Variants in JHY observed in about 807,000 individuals in gnomAD.
The protein encoded by JHY is junctional cadherin complex regulator, also known as jhy protein homolog.
A neutral mutation model predicts 78.0 loss-of-function variants in JHY; 69 were observed. The observed-to-expected ratio is 0.88, with a 90% CI of 0.73 to 1.08. JHY has a LOEUF of 1.08. Ranked by LOEUF, JHY falls within the 50% of genes least tolerant of loss-of-function variation. The pLI is 0.00. For missense variants in JHY, 944 were observed against 927.8 expected (o/e 1.02, Z -0.23); for synonymous variants, 368 against 342.6 (o/e 1.07, Z -0.82).
intron 2 of JHY, among the ~76,000 whole-genome samples, chr11:122,888,235 C>T (rs1026697917): frequency 1.3e-5 from 2 of 152,172 alleles, no homozygotes; most frequent in Non-Finnish European, 2.9e-5. Context: ...AGAGAGAATA[C>T]AGGTTCTTGG....
chr11:122,889,891 G>A (rs574197199), intron 2 of JHY, among the ~76,000 whole-genome samples: 2 of 152,016 alleles, frequency 1.3e-5, no homozygotes, highest in South Asian at 2.1e-4. Context: ...CCCGAGTAGC[G>A]TGCGCCACAA....
At chr11:122,931,302 G>T (rs1433344278) in intron 4 of JHY, among the ~76,000 whole-genome samples, 1 of 152,084 alleles carries the variant, frequency 6.6e-6, no homozygotes, top group Non-Finnish European at 1.5e-5. Flanking sequence ...ATAACTCTTA[G>T]CTTTCCAGGC....
chr11:122,956,166 A>T (rs552359729), intron 6 of JHY, among the ~76,000 whole-genome samples: 1 of 151,852 alleles, frequency 6.6e-6, no homozygotes, highest in Admixed American at 6.5e-5. Flanking sequence ...CAAAAAAAAA[A>T]AAATAAAATA....
intron 4 of JHY, among the ~76,000 whole-genome samples, chr11:122,927,603 C>T (rs1411239680): frequency 6.6e-6 from 1 of 152,202 alleles, no homozygotes; most frequent in African/African-American, 2.4e-5. Flanking sequence ...TTCCCAGCCT[C>T]TCCCACCCTG....
At chr11:122,908,713 G>A (rs562862889) in intron 3 of JHY, among the ~76,000 whole-genome samples, 95 of 152,192 alleles carry the variant, frequency 6.2e-4, no homozygotes, top group African/African-American at 2.2e-3. Flanking sequence ...TTTGGTTTTT[G>A]TTTGAGACAG....
chr11:122,927,970 A>T (rs1446962723), intron 4 of JHY, among the ~76,000 whole-genome samples: 1 of 151,980 alleles, frequency 6.6e-6, no homozygotes, highest in Admixed American at 6.6e-5. Flanking sequence ...ACCTCAGGTG[A>T]TCTGCCCGCC....
intron 3 of JHY, among the ~76,000 whole-genome samples, chr11:122,910,556 C>G (rs1719102998): frequency 6.6e-6 from 1 of 151,828 alleles, no homozygotes; most frequent in Admixed American, 6.6e-5. Flanking sequence ...TGGACGGCTA[C>G]AAAAGCAGTT....
chr11:122,899,760 C>T (rs1862809348), intron 2 of JHY, among the ~76,000 whole-genome samples: 2 of 152,204 alleles, frequency 1.3e-5, no homozygotes, highest in South Asian at 4.1e-4. Context: ...CATGTTGATC[C>T]TCATTCAGTC....
chr11:122,896,174 G>A (rs1862736597), intron 2 of JHY, among the ~76,000 whole-genome samples: 1 of 151,878 alleles, frequency 6.6e-6, no homozygotes, highest in Non-Finnish European at 1.5e-5. Flanking sequence ...TAAACCCTTT[G>A]TATTTTCTAG....
At chr11:122,918,731 T>C (rs1448115083) in intron 3 of JHY, among the ~76,000 whole-genome samples, 6 of 151,306 alleles carry the variant, frequency 4.0e-5, no homozygotes, top group Non-Finnish European at 8.8e-5. Flanking sequence ...GCAACCCAGA[T>C]TGATATTTTC....
At position 122,946,575 on chromosome 11, in the gene JHY, A is replaced by T; in HGVS notation, c.1712A>T (p.His571Leu). 1 of 1,614,060 alleles carries T rather than the reference A, an allele frequency of 6.2e-7. No homozygotes were observed. The highest frequency in any genetic ancestry group is 8.5e-7 in the Non-Finnish European group (1 of 1,179,998). Residue 571 changes from histidine (H) to leucine (L), a missense_variant, in exon 6 of 9, where the codon CAT becomes CTT. His to Leu is a moderately conservative substitution (Grantham distance 99). Transcript: ENST00000227349. ...DSWLTQIMEQ[H>L]QQALVQLTDV... ...TGGCTCACCCAGATAATGGAGCAGC[A>T]TCAGCAAGCCTTGGTGCAGCTGACC... is the stretch of plus-strand genomic sequence containing the variant.
At chr11:122,942,569 A>G (rs1018933882) in intron 5 of JHY, among the ~76,000 whole-genome samples, 1 of 152,068 alleles carries the variant, frequency 6.6e-6, no homozygotes, top group African/African-American at 2.4e-5. Flanking sequence ...GATTACAGGC[A>G]TACGCCACCA....
chr11:122,944,907 G>T (rs1863934177), intron 5 of JHY, among the ~76,000 whole-genome samples: 1 of 151,992 alleles, frequency 6.6e-6, no homozygotes, highest in African/African-American at 2.4e-5. Flanking sequence ...TTATTGGTTT[G>T]TAAGTGTTTC....
chr11:122,900,667 A>G (rs930362356), intron 2 of JHY, among the ~76,000 whole-genome samples: 2 of 151,940 alleles, frequency 1.3e-5, no homozygotes, highest in African/African-American at 4.8e-5. Flanking sequence ...CTTTTATTCA[A>G]ATAGGCCCCT....
intron 6 of JHY, among the ~76,000 whole-genome samples, chr11:122,949,100 C>T (rs1168962526): frequency 6.7e-6 from 1 of 150,030 alleles, no homozygotes; most frequent in Non-Finnish European, 1.5e-5. Context: ...AAAAAGAAGA[C>T]TGCAAGAGCA....
In JHY at chr11:122,886,108, G is replaced by A. The variant is rs767829542; in HGVS notation, c.259G>A (p.Glu87Lys). Residue 87 changes from glutamate to lysine, a missense_variant, in exon 2 of 9, where the codon GAG becomes AAG. Physicochemically the swap from Glu to Lys is moderately conservative, Grantham distance 56. Coordinates refer to ENST00000227349, the MANE Select transcript of JHY (RefSeq NM_024806.4). ...EESPRWGSLH[E>K]MEEEASGKAA... ...AAGCCCTCGATGGGGAAGCCTGCACGAGATGGAAGAGGAAGCAAGTGGAAA... is the reference window on the plus strand; with the variant it reads ...AAGCCCTCGATGGGGAAGCCTGCACAAGATGGAAGAGGAAGCAAGTGGAAA... The A allele has an allele frequency of 7.4e-6, 12 of 1,614,144 alleles. No homozygotes were observed. The South Asian group carries it at 7.7e-5, about 10-fold the overall frequency.
chr11:122,941,678 T>C (rs1157627104), intron 5 of JHY, among the ~76,000 whole-genome samples: 1 of 152,196 alleles, frequency 6.6e-6, no homozygotes, highest in African/African-American at 2.4e-5. Context: ...TGTTTTGCTT[T>C]GTATTCAGTG....
At chr11:122,947,795 G>A (rs532578621) in intron 6 of JHY, among the ~76,000 whole-genome samples, 3 of 152,172 alleles carry the variant, frequency 2.0e-5, no homozygotes, top group Non-Finnish European at 4.4e-5. Context: ...AGGGAGTGAG[G>A]GAAGCGGGGC....
At position 122,962,489 on chromosome 11, in the gene JHY, A is replaced by G. The variant is rs529194373; in HGVS notation, c.*3044A>G. Among the ~76,000 whole-genome samples the G allele has an allele frequency of 7.9e-5, 12 of 152,358 alleles. No homozygotes were observed. In the South Asian group the frequency reaches 2.3e-3, roughly 29 times the overall value. On this transcript the variant is annotated 3_prime_UTR_variant, in exon 9 of 9. Transcript: ENST00000227349. ...CAGTGGGATTTGGAAAATGTAATAT[A>G]TGAGGCATTAGACAGGAAAATCACA...
Sources: allele counts gnomAD v4.1 joint callset (sites outside exome capture counted in the v4.1 genomes callset), GRCh38; gene constraint gnomAD v4.1.1; transcripts MANE v1.5; gene names NCBI Gene and HGNC (gene_info 2026-07-23, HGNC 2026-07-21).